Variants in ADAT2 observed in about 807,000 individuals in gnomAD.
The protein encoded by ADAT2 is tRNA-specific adenosine-34 deaminase catalytic subunit ADAT2.
Under a neutral mutation model 25.9 loss-of-function variants are expected in ADAT2, and 26 were observed. The observed-to-expected ratio is 1.00, with a 90% CI of 0.74 to 1.39. The LOEUF (loss-of-function observed/expected upper bound fraction) is 1.39. ADAT2 is among the 40% of genes most tolerant of loss of function. The pLI, the probability that ADAT2 is intolerant of heterozygous loss-of-function variation, is 0.00. For synonymous variants in ADAT2, 76 were observed against 86.8 expected (o/e 0.88, Z 0.69); for missense variants, 220 against 244.8 (o/e 0.90, Z 0.68).
intron 3 of ADAT2, among the ~76,000 whole-genome samples, chr6:143,433,130 A>G (rs777305716): frequency 3.3e-5 from 5 of 152,180 alleles, no homozygotes; most frequent in Non-Finnish European, 5.9e-5. Flanking sequence ...ATCATACCCA[A>G]AAACCTCTGT....
Position 143,438,634 on chromosome 6 carries a change from C to A in ADAT2, c.157G>T (p.Glu53Ter). The change falls in exon 2 of 6, where the codon GAA becomes TAA. Residue 53 changes from glutamate (E) to a stop codon, truncating the protein, a stop_gained. Coordinates refer to ENST00000237283, the MANE Select transcript of ADAT2 (RefSeq NM_182503.3). LOFTEE classifies it high-confidence loss of function. ...PVGCLMVYNN[E>*]VVGKGRNEVN... ...TCATTTCTCCCCTTCCCTACAACTT[C>A]ATTGTTGTAGACCATAAGACAGCCA... is the stretch of plus-strand genomic sequence containing the variant. The A allele has an allele frequency of 6.2e-7, 1 of 1,613,466 alleles. No individual in the cohort carries two copies. Among genetic ancestry groups the A allele is most frequent in the East Asian group, 2.2e-5 (1 of 44,854 alleles).
intron 4 of ADAT2, among the ~76,000 whole-genome samples, chr6:143,429,228 T>C (rs531535131): frequency 2.0e-5 from 3 of 152,194 alleles, no homozygotes; most frequent in Non-Finnish European, 4.4e-5. Context: ...GAATGGTTTT[T>C]ATATCTTAAA....
In ADAT2 at chr6:143,423,827, CT is replaced by C. The variant is rs1432121884; in HGVS notation, c.*4635del. The stretch of plus-strand genomic sequence containing the variant: ...ATAGATATTGGGGATGTGGGATTCT[CT>C]CTAAACTAGCTTAGCAGGATTCTTG... On this transcript the variant is annotated 3_prime_UTR_variant, in exon 6 of 6. Coordinates refer to ENST00000237283, the MANE Select transcript of ADAT2 (RefSeq NM_182503.3). 7 of 152,126 alleles carry C rather than the reference CT, an allele frequency of 4.6e-5. No individual in the cohort carries two copies. The highest frequency in any genetic ancestry group is 2.9e-5 in the Non-Finnish European group (2 of 68,026). The allele number at this position is 152,126 out of a possible 1,614,324, so 9.4% of individuals were successfully genotyped here.
chr6:143,428,760 T>C lies in ADAT2; in HGVS notation c.460-76A>G, dbSNP rs1779018326. 1 of 1,297,708 alleles carries C rather than the reference T, an allele frequency of 7.7e-7. No individual in the cohort carries two copies. Among genetic ancestry groups the C allele is most frequent in the Non-Finnish European group, 1.1e-6 (1 of 920,220 alleles). The allele number at this position is 1,297,708 out of a possible 1,614,324, so 80.4% of individuals were successfully genotyped here. A position where few individuals can be genotyped will look rare whatever the true frequency, so the allele number is the denominator to read the frequency against. On this transcript the variant is annotated intron_variant, in intron 4 of 5. Transcript: ENST00000237283. The surrounding 1 kb of genome is among the most constrained non-coding windows in gnomAD (Gnocchi z 5.0). ...CTGTATCCCATAAAAACAACATATATATACATGATTATGTAAACAGATTTC... is the reference window on the plus strand; with the variant it reads ...CTGTATCCCATAAAAACAACATATACATACATGATTATGTAAACAGATTTC...
intron 2 of ADAT2, among the ~76,000 whole-genome samples, 196 bp downstream of exon 2, chr6:143,438,394 T>TA (rs373866683): frequency 2.1e-3 from 320 of 151,748 alleles, no homozygotes; most frequent in African/African-American, 7.3e-3. Flanking sequence ...TTTTCCACAA[T>TA]AAAAAAAATC....
In ADAT2 at chr6:143,436,315, G is replaced by A; in HGVS notation, c.201+2275C>T. On this transcript the variant is annotated intron_variant, in intron 2 of 5. Transcript: ENST00000237283. This position sits in a 1 kb window ranked among gnomAD's most constrained non-coding sequence, Gnocchi z 4.1. ...GTATGGCCTCTATCTAACAGAGGCT[G>A]CCATTTTCAGGGGCTGGATGTCCAT... The A allele has an allele frequency of 4.2e-6, 1 of 238,152 alleles. No homozygotes were observed. The highest frequency in any genetic ancestry group is 8.7e-6 in the Non-Finnish European group (1 of 115,062). 14.8% of individuals were successfully genotyped at this position (238,152 alleles called of 1,614,324 possible).
Position 143,436,422 on chromosome 6 carries a change from A to C in ADAT2, c.201+2168T>G. 1 of 277,496 alleles carries C rather than the reference A, an allele frequency of 3.6e-6. No individual in the cohort carries two copies. The allele number at this position is 277,496 out of a possible 1,614,324, so 17.2% of individuals were successfully genotyped here. On this transcript the variant is annotated intron_variant, in intron 2 of 5. Coordinates refer to ENST00000237283, the MANE Select transcript of ADAT2 (RefSeq NM_182503.3). This position sits in a 1 kb window ranked among gnomAD's most constrained non-coding sequence, Gnocchi z 4.1. ...CTGACTGGATCCCCTACAATGGGAA[A>C]ACAGCTTTCTGGGACATCCCATCCG...
chr6:143,431,056 T>TA (rs1438874499), intron 4 of ADAT2, among the ~76,000 whole-genome samples: 6 of 151,232 alleles, frequency 4.0e-5, no homozygotes, highest in South Asian at 4.2e-4. Flanking sequence ...CCAGACGAAT[T>TA]AAAAAAAAAG....
At chr6:143,438,482 C>T in intron 2 of ADAT2, 108 bp downstream of exon 2, 2 of 659,760 alleles carry the variant, frequency 3.0e-6, no homozygotes, top group South Asian at 3.0e-5. Flanking sequence ...CCACCACTGG[C>T]AGCTACGGGA....
rs1779475234 is a variant in ADAT2 at position 143,442,129 on chromosome 6, G to C, written c.97-3435C>G. Among the ~76,000 whole-genome samples the C allele has an allele frequency of 6.6e-6, 1 of 152,166 alleles. No individual in the cohort carries two copies. Among genetic ancestry groups the C allele is most frequent in the South Asian group, 2.1e-4 (1 of 4,832 alleles). ...ACAAATATTCATAACAGCTTTATTT[G>C]TAATAGCCAAAAACTGGAAACAACT... On this transcript the variant is annotated intron_variant, in intron 1 of 5. Transcript: ENST00000237283. This position sits in a 1 kb window ranked among gnomAD's most constrained non-coding sequence, Gnocchi z 4.6.
At chr6:143,447,624 T>C (rs1054422655) in intron 1 of ADAT2, among the ~76,000 whole-genome samples, 19 of 152,068 alleles carry the variant, frequency 1.2e-4, no homozygotes, top group African/African-American at 4.1e-4. Flanking sequence ...GAATTTTTTA[T>C]GACCATGAAT....
At chr6:143,447,872 T>C (rs920242100) in intron 1 of ADAT2, among the ~76,000 whole-genome samples, 2 of 152,160 alleles carry the variant, frequency 1.3e-5, no homozygotes, top group Non-Finnish European at 2.9e-5. Flanking sequence ...GAAATGCCAT[T>C]TGACCCAGCC....
At chr6:143,438,516 C>A (rs1047579038) in intron 2 of ADAT2, 74 bp downstream of exon 2, 2 of 1,213,856 alleles carry the variant, frequency 1.6e-6, no homozygotes, top group South Asian at 1.3e-5. Flanking sequence ...CACCTTCACA[C>A]CAACTGTGGT....
rs1778838023 is a variant in ADAT2, at chr6:143,423,384, G to T, written c.*5079C>A. The T allele has an allele frequency of 6.6e-6, 1 of 152,126 alleles. No individual in the cohort carries two copies. The highest frequency in any genetic ancestry group is 1.5e-5 in the Non-Finnish European group (1 of 68,042). The allele number at this position is 152,126 out of a possible 1,614,324, so 9.4% of individuals were successfully genotyped here. On this transcript the variant is annotated 3_prime_UTR_variant, in exon 6 of 6. Transcript: ENST00000237283. The stretch of plus-strand genomic sequence containing the variant: ...TTTTTTCAATCACTCAGAATTGTAA[G>T]ACCCATTTTTAAGTCATGAGTGGTA...
rs1778923400 is a variant in ADAT2 at position 143,425,947 on chromosome 6, A to T, written c.*2516T>A. ...GAAAGCACAAAGATATTTTAACATG[A>T]TCTTTTATCAGTGATTGAAGCCTAC... On this transcript the variant is annotated 3_prime_UTR_variant, in exon 6 of 6. Coordinates refer to ENST00000237283, the MANE Select transcript of ADAT2 (RefSeq NM_182503.3). 6.6e-6 allele frequency: 1 copy of T among 152,560 alleles called. No individual in the cohort carries two copies. The highest frequency in any genetic ancestry group is 1.9e-4 in the East Asian group (1 of 5,194). 9.5% of individuals were successfully genotyped at this position (152,560 alleles called of 1,614,324 possible).
intron 1 of ADAT2, among the ~76,000 whole-genome samples, chr6:143,450,063 T>G (rs1241054535): frequency 6.6e-6 from 1 of 152,170 alleles, no homozygotes; most frequent in East Asian, 1.9e-4. Flanking sequence ...GAAAGCCCCC[T>G]TTATTTCGCA....
At chr6:143,438,456 C>A in intron 2 of ADAT2, 134 bp downstream of exon 2, 1 of 527,194 alleles carries the variant, frequency 1.9e-6, no homozygotes, top group East Asian at 3.1e-5. Context: ...AAAAGAGAGA[C>A]GTTAAGAAAA....
In ADAT2 at chr6:143,428,764, CAT is replaced by C; in HGVS notation, c.460-82_460-81del. On this transcript the variant is annotated intron_variant, in intron 4 of 5. Transcript: ENST00000237283. This position sits in a 1 kb window ranked among gnomAD's most constrained non-coding sequence, Gnocchi z 5.0. ...ATCCCATAAAAACAACATATATATA[CAT>C]GATTATGTAAACAGATTTCAGATGT... The C allele has an allele frequency of 7.0e-6, 9 of 1,285,446 alleles. No individual in the cohort carries two copies. Among genetic ancestry groups the C allele is most frequent in the Non-Finnish European group, 9.9e-6 (9 of 910,408 alleles). The allele number at this position is 1,285,446 out of a possible 1,614,324, so 79.6% of individuals were successfully genotyped here. A position where few individuals can be genotyped will look rare whatever the true frequency, so the allele number is the denominator to read the frequency against.
At position 143,432,526 on chromosome 6, in the gene ADAT2, T is replaced by C; in HGVS notation, c.438A>G (p.Pro146=). The change falls in exon 4 of 6, where the codon CCA becomes CCG. Residue 146 remains proline (P), a synonymous_variant. Coordinates refer to ENST00000237283, the MANE Select transcript of ADAT2 (RefSeq NM_182503.3). The surrounding 1 kb of genome is among the most constrained non-coding windows in gnomAD (Gnocchi z 4.4). ...TTACCTGAAATGGTCTCCCAGTGTT[T>C]GGTAGGTCAGCAGAGGCAATATTTA... The part of the protein sequence containing the change: ...SVLNIASADL[P]NTGRPFQCIP... The C allele has an allele frequency of 6.2e-7, 1 of 1,614,160 alleles. No individual in the cohort carries two copies. The highest frequency in any genetic ancestry group is 8.5e-7 in the Non-Finnish European group (1 of 1,179,994).
Sources: gnomAD v4.1 joint callset for allele counts (sites outside exome capture counted in the v4.1 genomes callset) on GRCh38, gnomAD v4.1.1 for gene constraint, Gnocchi (gnomAD v3.1) non-coding constraint, MANE v1.5 for transcripts, NCBI Gene and HGNC (gene_info 2026-07-23, HGNC 2026-07-21) for gene names.